Variants in CTNNA3 observed in about 807,000 individuals in gnomAD.
CTNNA3 encodes catenin alpha 3, also known as catenin alpha-3.
In CTNNA3, 76 loss-of-function variants were observed where a neutral mutation model predicts 95.7. The observed-to-expected ratio is 0.79, with a 90% CI of 0.66 to 0.96. CTNNA3 has a LOEUF of 0.96. Ranked by LOEUF, CTNNA3 falls within the 40% of genes least tolerant of loss-of-function variation. The pLI is 0.00. For missense variants in CTNNA3, 1,191 were observed against 1,089.8 expected (o/e 1.09, Z -1.31); for synonymous variants, 431 against 374.4 (o/e 1.15, Z -1.74).
chr10:67,301,924 G>T (rs1007488309), intron 5 of CTNNA3, among the ~76,000 whole-genome samples: 3 of 150,534 alleles, frequency 2.0e-5, no homozygotes, highest in Admixed American at 6.6e-5. Flanking sequence ...AGCGGAGATC[G>T]CGCCACTGCA....
At chr10:65,981,917 C>G (rs1049450211) in intron 16 of CTNNA3, among the ~76,000 whole-genome samples, 5 of 151,646 alleles carry the variant, frequency 3.3e-5, no homozygotes, top group African/African-American at 1.2e-4. Context: ...TCTGAAAAAC[C>G]CTTCTAGACA....
intron 7 of CTNNA3, among the ~76,000 whole-genome samples, chr10:66,783,699 T>C (rs939919418): frequency 3.9e-5 from 6 of 152,178 alleles, no homozygotes; most frequent in African/African-American, 1.4e-4. Flanking sequence ...TAATAAGCAA[T>C]GACATAGCAT....
At chr10:66,051,586 T>G in intron 15 of CTNNA3, among the ~76,000 whole-genome samples, 1 of 152,214 alleles carries the variant, frequency 6.6e-6, no homozygotes, top group East Asian at 1.9e-4. Context: ...TCCAAACAGT[T>G]ACATTAAGCT....
At chr10:66,552,859 C>CT (rs1000454329) in intron 10 of CTNNA3, among the ~76,000 whole-genome samples, 4 of 151,604 alleles carry the variant, frequency 2.6e-5, no homozygotes, top group African/African-American at 7.3e-5. Flanking sequence ...GCACATTTTC[C>CT]TTTTTTTCCG....
intron 1 of CTNNA3, among the ~76,000 whole-genome samples, chr10:67,679,641 C>T (rs565354541): frequency 6.6e-6 from 1 of 152,272 alleles, no homozygotes; most frequent in Non-Finnish European, 1.5e-5. Flanking sequence ...TCATAGTAAA[C>T]TAACTTAATT....
chr10:66,157,190 C>T (rs533105738), intron 13 of CTNNA3, among the ~76,000 whole-genome samples: 1 of 151,902 alleles, frequency 6.6e-6, no homozygotes, highest in East Asian at 1.9e-4. Context: ...ATCCCTCGTC[C>T]CCCTCCCACT....
At chr10:66,717,223 GC>G (rs748694726) in intron 9 of CTNNA3, among the ~76,000 whole-genome samples, 10 of 152,022 alleles carry the variant, frequency 6.6e-5, no homozygotes, top group Non-Finnish European at 1.0e-4. Context: ...AGACCTGCCA[GC>G]CCCCGCCATG....
rs910368595 is a variant in CTNNA3 at position 66,324,729 on chromosome 10, T to C, written c.1733-44108A>G. Among the ~76,000 whole-genome samples the C allele has an allele frequency of 5.3e-5, 8 of 152,054 alleles. No homozygotes were observed. The South Asian group carries it at 1.7e-3, about 32-fold the overall frequency. On this transcript the variant is annotated intron_variant, in intron 12 of 17. Coordinates refer to ENST00000433211, the MANE Select transcript of CTNNA3 (RefSeq NM_013266.4). The stretch of plus-strand genomic sequence containing the variant: ...ACTCTTCAGTTTCATGATGACAAGA[T>C]GCTCTGAGAAGCCATCATTTAACCC...
chr10:66,430,823 C>G (rs12266770), intron 11 of CTNNA3, among the ~76,000 whole-genome samples: 17,792 of 152,072 alleles, frequency 0.12, 1,497 homozygotes, highest in African/African-American at 0.24. Flanking sequence ...TAGGCAATAC[C>G]ATTCAGGACA....
chr10:66,003,446 C>T (rs1304921477), intron 15 of CTNNA3, among the ~76,000 whole-genome samples: 1 of 151,934 alleles, frequency 6.6e-6, no homozygotes, highest in Non-Finnish European at 1.5e-5. Flanking sequence ...TCCTCAAATA[C>T]CTCAATTTAC....
intron 7 of CTNNA3, among the ~76,000 whole-genome samples, chr10:66,817,335 G>T (rs2132280629): frequency 6.6e-6 from 1 of 151,892 alleles, no homozygotes; most frequent in African/African-American, 2.4e-5. Flanking sequence ...AATGATAAAA[G>T]AGGATAAAAA....
intron 5 of CTNNA3, among the ~76,000 whole-genome samples, chr10:67,514,359 T>C (rs1488872571): frequency 1.3e-5 from 2 of 152,192 alleles, no homozygotes; most frequent in African/African-American, 4.8e-5. Flanking sequence ...GATTCTTTAC[T>C]TGGTTTAAGG....
At chr10:66,528,809 A>C (rs1023842949) in intron 10 of CTNNA3, among the ~76,000 whole-genome samples, 5 of 152,142 alleles carry the variant, frequency 3.3e-5, no homozygotes, top group Non-Finnish European at 5.9e-5. Context: ...ACAAAGACTG[A>C]ATTATCTTCT....
At chr10:66,293,649 A>C (rs992113470) in intron 12 of CTNNA3, among the ~76,000 whole-genome samples, 14 of 145,498 alleles carry the variant, frequency 9.6e-5, no homozygotes, top group Admixed American at 2.0e-4. Context: ...AATCAGCATT[A>C]TTTTTTCTTT....
chr10:67,398,410 A>T (rs999263941), intron 5 of CTNNA3, among the ~76,000 whole-genome samples: 1 of 152,216 alleles, frequency 6.6e-6, no homozygotes. Context: ...CACTTGGAAC[A>T]GGTGTATTTA....
intron 11 of CTNNA3, among the ~76,000 whole-genome samples, chr10:66,466,373 C>CACACACACACA (rs1222364133): frequency 6.6e-6 from 1 of 150,734 alleles, no homozygotes; most frequent in African/African-American, 2.5e-5. Context: ...CACACACACA[C>CACACACACACA]AATCTATTGG....
intron 11 of CTNNA3, among the ~76,000 whole-genome samples, chr10:66,473,332 T>C (rs533791286): frequency 4.0e-5 from 6 of 151,866 alleles, no homozygotes; most frequent in African/African-American, 1.4e-4. Context: ...GATCTGATGG[T>C]TTTATAAGAG....
chr10:66,629,022 T>C (rs1307247017), intron 9 of CTNNA3, among the ~76,000 whole-genome samples: 2 of 152,088 alleles, frequency 1.3e-5, no homozygotes, highest in Non-Finnish European at 2.9e-5. Flanking sequence ...AGGTTACTCC[T>C]TCAATGAGAC....
chr10:67,143,811 T>G (rs932095643), intron 7 of CTNNA3, among the ~76,000 whole-genome samples: 1 of 152,208 alleles, frequency 6.6e-6, no homozygotes, highest in African/African-American at 2.4e-5. Flanking sequence ...AAGTAACTCA[T>G]GAGGGTTGGA....
Sources: gnomAD v4.1 joint callset for allele counts (sites outside exome capture counted in the v4.1 genomes callset) on GRCh38, gnomAD v4.1.1 for gene constraint, MANE v1.5 for transcripts, NCBI Gene and HGNC (gene_info 2026-07-23, HGNC 2026-07-21) for gene names.